The following RPS6KC1 variants were observed in gnomAD, a reference collection of about 807,000 sequenced individuals.
The protein encoded by RPS6KC1 is ribosomal protein S6 kinase C1, also known as inactive ribosomal protein S6 kinase delta-1.
Under a neutral mutation model 103.8 loss-of-function variants are expected in RPS6KC1, and 54 were observed. That is an observed-to-expected ratio of 0.52 (90% CI 0.42 to 0.65). The LOEUF (loss-of-function observed/expected upper bound fraction) is 0.65, where lower values mean the gene tolerates loss of function less well. Ranked by LOEUF, RPS6KC1 falls within the 30% of genes least tolerant of loss-of-function variation. The probability of loss-of-function intolerance (pLI) is 0.00; values close to 1 mark genes in which losing one functional copy is unlikely to be tolerated. For missense variants in RPS6KC1, 1,151 were observed against 1,253.8 expected (o/e 0.92, Z 1.24); for synonymous variants, 439 against 438.7 (o/e 1.00, Z -0.01).
the RPS6KC1 span, among the ~76,000 whole-genome samples, chr1:213,724,364 G>GC: frequency 6.6e-6 from 1 of 152,236 alleles, no homozygotes; most frequent in South Asian, 2.1e-4. Context: ...ACAGGTGTGA[G>GC]CCACTGCGCC....
the RPS6KC1 span, among the ~76,000 whole-genome samples, chr1:213,503,671 G>C: frequency 7.9e-5 from 12 of 152,278 alleles, no homozygotes; most frequent in African/African-American, 2.4e-4. Flanking sequence ...GCATTGCAAA[G>C]TCTGCTTGCT....
chr1:213,150,280 G>A (rs2088516543), intron 6 of RPS6KC1, among the ~76,000 whole-genome samples: 1 of 148,706 alleles, frequency 6.7e-6, no homozygotes, highest in African/African-American at 2.5e-5. Context: ...TTATTTTTTT[G>A]TATGTACATT....
chr1:213,552,292 A>G, the RPS6KC1 span, among the ~76,000 whole-genome samples: 1 of 152,220 alleles, frequency 6.6e-6, no homozygotes, highest in Non-Finnish European at 1.5e-5. Context: ...AAAACCACTG[A>G]CAGACTGTCT....
intron 8 of RPS6KC1, among the ~76,000 whole-genome samples, chr1:213,180,411 C>T (rs1323655741): frequency 1.3e-5 from 2 of 152,126 alleles, no homozygotes; most frequent in Non-Finnish European, 2.9e-5. Flanking sequence ...TCAAGAGAAA[C>T]AAATTATTGC....
chr1:213,093,652 A>G (rs1224823725), intron 3 of RPS6KC1, among the ~76,000 whole-genome samples: 6 of 152,286 alleles, frequency 3.9e-5, no homozygotes, highest in South Asian at 4.1e-4. Flanking sequence ...TTTTGCAGTC[A>G]GATAGATTTA....
chr1:213,421,173 G>A, the RPS6KC1 span, among the ~76,000 whole-genome samples: 2 of 147,690 alleles, frequency 1.4e-5, no homozygotes, highest in Non-Finnish European at 3.0e-5. Flanking sequence ...GGAGTGGTGT[G>A]ATCTCGGCTC....
intron 2 of RPS6KC1, among the ~76,000 whole-genome samples, chr1:213,074,825 ATGACT>A (rs2079161566): frequency 6.7e-6 from 1 of 148,958 alleles, no homozygotes; most frequent in Non-Finnish European, 1.5e-5. Flanking sequence ...GTATTTAAAA[ATGACT>A]TAACTAGAAT....
At chr1:213,677,429 T>A in the RPS6KC1 span, among the ~76,000 whole-genome samples, 4 of 152,134 alleles carry the variant, frequency 2.6e-5, no homozygotes, top group African/African-American at 9.7e-5. Context: ...CCAGCCCAGT[T>A]CTCTTCAGCT....
chr1:213,348,968 A>C, the RPS6KC1 span, among the ~76,000 whole-genome samples: 1 of 152,204 alleles, frequency 6.6e-6, no homozygotes, highest in Non-Finnish European at 1.5e-5. Flanking sequence ...CTGTAGGTAA[A>C]CATGGAAATA....
chr1:213,680,098 G>T, the RPS6KC1 span, among the ~76,000 whole-genome samples: 1 of 152,140 alleles, frequency 6.6e-6, no homozygotes, highest in Non-Finnish European at 1.5e-5. Flanking sequence ...TCACGTTAAA[G>T]AAGGAACGAT....
intron 8 of RPS6KC1, among the ~76,000 whole-genome samples, chr1:213,211,573 A>G (rs1173115714): frequency 6.6e-6 from 1 of 152,214 alleles, no homozygotes; most frequent in Non-Finnish European, 1.5e-5. Context: ...AGGTTTTATA[A>G]AGTAATAGAT....
chr1:213,415,473 G>T, the RPS6KC1 span, among the ~76,000 whole-genome samples: 3 of 152,332 alleles, frequency 2.0e-5, no homozygotes, highest in South Asian at 4.1e-4. Flanking sequence ...AAAGGGGTCG[G>T]CTTCTCTGTA....
At chr1:213,591,328 A>G in the RPS6KC1 span, among the ~76,000 whole-genome samples, 1 of 152,126 alleles carries the variant, frequency 6.6e-6, no homozygotes, top group Non-Finnish European at 1.5e-5. Flanking sequence ...CTTTGCACAC[A>G]AAACCCCCGA....
chr1:213,160,450 A>G (rs2090352474), intron 6 of RPS6KC1, among the ~76,000 whole-genome samples: 1 of 152,204 alleles, frequency 6.6e-6, no homozygotes, highest in Non-Finnish European at 1.5e-5. Flanking sequence ...GAATATGTTC[A>G]CCTGTATTCC....
At chr1:213,605,286 A>C in the RPS6KC1 span, among the ~76,000 whole-genome samples, 1 of 152,198 alleles carries the variant, frequency 6.6e-6, no homozygotes, top group East Asian at 1.9e-4. Flanking sequence ...CTAAAAATTC[A>C]TTCTTAAAAA....
At position 213,127,694 on chromosome 1, in the gene RPS6KC1, T is replaced by C. The variant is rs185843536; in HGVS notation, c.473-1833T>C. Among the ~76,000 whole-genome samples the C allele has an allele frequency of 7.2e-5, 11 of 152,338 alleles. No individual in the cohort carries two copies. The East Asian group carries it at 1.9e-3, about 27-fold the overall frequency. On this transcript the variant is annotated intron_variant, in intron 5 of 14. Transcript: ENST00000366960. Reference sequence around the variant, plus strand: ...TGTTGCCAATCATAAAATTGGAGTTTTCAATTCAAAATTAGGATTTTCAGA... The same window carrying C: ...TGTTGCCAATCATAAAATTGGAGTTCTCAATTCAAAATTAGGATTTTCAGA...
intron 8 of RPS6KC1, among the ~76,000 whole-genome samples, chr1:213,220,127 C>T (rs530935691): frequency 2.6e-5 from 4 of 151,922 alleles, no homozygotes; most frequent in African/African-American, 9.6e-5. Flanking sequence ...TTGATATTTA[C>T]ATTCAACAGG....
the RPS6KC1 span, among the ~76,000 whole-genome samples, chr1:213,521,529 TC>T: frequency 2.0e-5 from 3 of 152,286 alleles, no homozygotes; most frequent in East Asian, 5.8e-4. Flanking sequence ...CATTGATTCT[TC>T]CTTTCACAAA....
the RPS6KC1 span, among the ~76,000 whole-genome samples, chr1:213,739,123 G>A: frequency 6.6e-6 from 1 of 152,098 alleles, no homozygotes; most frequent in Non-Finnish European, 1.5e-5. Flanking sequence ...GAGATAGCAA[G>A]ACCAGTCCTT....
Sources: allele counts gnomAD v4.1 joint callset (sites outside exome capture counted in the v4.1 genomes callset), GRCh38; gene constraint gnomAD v4.1.1; transcripts MANE v1.5; gene names NCBI Gene and HGNC (gene_info 2026-07-23, HGNC 2026-07-21).